The following PCGF6 variants were observed in gnomAD, a reference collection of about 807,000 sequenced individuals.
The protein encoded by PCGF6 is polycomb group RING finger protein 6.
PCGF6 carries 24 observed loss-of-function variants against 45.5 expected under a neutral mutation model. The observed-to-expected ratio is 0.53, with a 90% CI of 0.38 to 0.74. The LOEUF (loss-of-function observed/expected upper bound fraction) is 0.74. PCGF6 is among the 30% of genes least tolerant of loss of function. The pLI is 0.00. For missense variants in PCGF6, 356 were observed against 443.2 expected (o/e 0.80, Z 1.77); for synonymous variants, 152 against 162.1 (o/e 0.94, Z 0.47).
rs1257482039 is a variant in PCGF6 at position 103,339,808 on chromosome 10, AAAACACACACACACAC to A, written c.782+5200_782+5215del. Among the ~76,000 whole-genome samples the A allele has an allele frequency of 3.4e-3, 264 of 78,024 alleles. 9 individuals carry two copies. The highest frequency in any genetic ancestry group is 8.9e-3 in the South Asian group (16 of 1,802). The allele number at this position is 78,024 out of a possible 152,430, so 51.2% of individuals were successfully genotyped here. A position where few individuals can be genotyped will look rare whatever the true frequency, so the allele number is the denominator to read the frequency against. On this transcript the variant is annotated intron_variant, in intron 6 of 9. Coordinates refer to ENST00000369847, the MANE Select transcript of PCGF6 (RefSeq NM_001011663.2). ...GCGAAATTCTGTCTGTCTCAAAAAA[AAAACACACACACACAC>A]ACACACACACACACACACACACACA...
Position 103,351,121 on chromosome 10 carries a change from C to G in PCGF6, c.-55G>C, listed in dbSNP as rs1018823525. On this transcript the variant is annotated 5_prime_UTR_variant, in exon 1 of 10. Transcript: ENST00000369847. ...CGGCGGGAGAGCGCGGGAGTTCGGC[C>G]GGCCTCGGACGCCACCACTGCGCAG... is the stretch of plus-strand genomic sequence containing the variant. 3.0e-6 allele frequency: 4 copies of G among 1,329,968 alleles called. No individual in the cohort carries two copies. The highest frequency in any genetic ancestry group is 3.9e-6 in the Non-Finnish European group (4 of 1,038,714). The allele number at this position is 1,329,968 out of a possible 1,614,324, so 82.4% of individuals were successfully genotyped here.
chr10:103,335,440 C>A (rs893366700), intron 6 of PCGF6, among the ~76,000 whole-genome samples: 2 of 151,692 alleles, frequency 1.3e-5, no homozygotes, highest in African/African-American at 4.8e-5. Context: ...CGGCTCACTG[C>A]AACCTCTGCC....
intron 7 of PCGF6, among the ~76,000 whole-genome samples, chr10:103,330,555 C>T (rs112756264): frequency 1.3e-5 from 2 of 152,074 alleles, no homozygotes; most frequent in African/African-American, 2.4e-5. Context: ...TAAAAGTGTA[C>T]GATTAAATGG....
At chr10:103,326,357 C>G (rs1317827341) in intron 8 of PCGF6, among the ~76,000 whole-genome samples, 177 bp downstream of exon 8, 1 of 149,342 alleles carries the variant, frequency 6.7e-6, no homozygotes, top group Non-Finnish European at 1.5e-5. Context: ...CCACTGCACT[C>G]CAGCCTGGGC....
intron 8 of PCGF6, among the ~76,000 whole-genome samples, chr10:103,323,358 G>A (rs1442300751): frequency 6.6e-6 from 1 of 150,390 alleles, no homozygotes; most frequent in Non-Finnish European, 1.5e-5. Flanking sequence ...GTGCAGTGGC[G>A]CCATCTCGGC....
Position 103,351,034 on chromosome 10 carries a change from G to A in PCGF6, c.33C>T (p.Ser11=). The A allele has an allele frequency of 1.4e-6, 2 of 1,395,118 alleles. No homozygotes were observed. The highest frequency in any genetic ancestry group is 9.3e-7 in the Non-Finnish European group (1 of 1,074,534). 86.4% of individuals were successfully genotyped at this position (1,395,118 alleles called of 1,614,324 possible). The change falls in exon 1 of 10, where the codon AGC becomes AGT. Residue 11 remains serine (S), a synonymous_variant. Coordinates refer to ENST00000369847, the MANE Select transcript of PCGF6 (RefSeq NM_001011663.2). ...CTCCCTCGGTTTTGGCAGCGCCTAC[G>A]CTGCCCGCCGTCACCACCGCGACCC... MEGVAVVTAG[S]VGAAKTEGAA...
At chr10:103,305,634 G>A (rs920751672) in intron 9 of PCGF6, among the ~76,000 whole-genome samples, 16 of 152,040 alleles carry the variant, frequency 1.1e-4, no homozygotes, top group Non-Finnish European at 2.1e-4. Context: ...CTACTACAAC[G>A]CATCGCAGAT....
intron 9 of PCGF6, 87 bp downstream of exon 9, chr10:103,314,099 G>T: frequency 1.5e-6 from 1 of 655,476 alleles, no homozygotes; most frequent in Non-Finnish European, 2.5e-6. Flanking sequence ...TAAGAGTATT[G>T]TAGAATATTT....
At chr10:103,346,337 C>T (rs927189621) in intron 5 of PCGF6, among the ~76,000 whole-genome samples, 4 of 150,340 alleles carry the variant, frequency 2.7e-5, no homozygotes, top group Non-Finnish European at 5.9e-5. Context: ...ATTAAAAATA[C>T]AAAATTGGCC....
chr10:103,346,520 AG>A (rs1227747991), intron 5 of PCGF6, among the ~76,000 whole-genome samples: 2 of 151,990 alleles, frequency 1.3e-5, no homozygotes, highest in African/African-American at 4.8e-5. Flanking sequence ...GCTACTCAGG[AG>A]GCTGAGGCAG....
At chr10:103,325,324 G>A (rs1014546954) in intron 8 of PCGF6, among the ~76,000 whole-genome samples, 1 of 152,050 alleles carries the variant, frequency 6.6e-6, no homozygotes. Context: ...CGCAATCTTG[G>A]CTCACTGTAA....
In PCGF6 at chr10:103,350,821, C is replaced by A. The variant is rs922824435; in HGVS notation, c.246G>T (p.Glu82Asp). 35 of 1,548,206 alleles carry A rather than the reference C, an allele frequency of 2.3e-5. No individual in the cohort carries two copies. Among genetic ancestry groups the A allele is most frequent in the Non-Finnish European group, 3.0e-5 (34 of 1,146,242 alleles). The stretch of plus-strand genomic sequence containing the variant: ...CCAGCTCCTCTTCTTCTTCCAACTC[C>A]TCGTCCTCGTCCTCGAAGCGGCCTC... ...RFRGRFEDED[E>D]ELEEEEELEE... The change falls in exon 1 of 10, where the codon GAG becomes GAT. Residue 82 changes from glutamate to aspartate, a missense_variant. By Grantham distance (45) the Glu-to-Asp change is conservative. This residue lies in a region of PCGF6 where 307 missense variants were observed against 350.1 expected (regional missense o/e 0.88). Transcript: ENST00000369847.
Position 103,350,968 on chromosome 10 carries a change from G to T in PCGF6, c.99C>A (p.Ala33=). The T allele has an allele frequency of 7.0e-7, 1 of 1,437,598 alleles. No individual in the cohort carries two copies. The allele number at this position is 1,437,598 out of a possible 1,614,324, so 89.1% of individuals were successfully genotyped here. A position where few individuals can be genotyped will look rare whatever the true frequency, so the allele number is the denominator to read the frequency against. Residue 33 remains alanine (A), a synonymous_variant, in exon 1 of 10, where the codon GCC becomes GCA. Transcript: ENST00000369847. ...LPPPPPVSPP[A]LTPAPAAGEE... ...CACCCGCTGCGGGTGCAGGGGTGAG[G>T]GCGGGCGGGGAGACAGGAGGCGGAG...
intron 9 of PCGF6, among the ~76,000 whole-genome samples, chr10:103,304,656 C>CG (rs2093131538): frequency 7.3e-6 from 1 of 137,366 alleles, no homozygotes; most frequent in Admixed American, 7.4e-5. Context: ...CCCAGCCCCA[C>CG]TTTTTTTTTT....
At chr10:103,339,176 A>G (rs2093269300) in intron 6 of PCGF6, among the ~76,000 whole-genome samples, 1 of 152,090 alleles carries the variant, frequency 6.6e-6, no homozygotes, top group South Asian at 2.1e-4. Context: ...TCATTTTGGG[A>G]GGCCAAGGCG....
intron 8 of PCGF6, among the ~76,000 whole-genome samples, chr10:103,324,049 C>G (rs1034135159): frequency 6.6e-6 from 1 of 151,126 alleles, no homozygotes; most frequent in South Asian, 2.1e-4. Context: ...ATGCAATTCT[C>G]CAGCCTCAGC....
At chr10:103,326,221 T>C (rs2093217729) in intron 8 of PCGF6, among the ~76,000 whole-genome samples, 1 of 151,114 alleles carries the variant, frequency 6.6e-6, no homozygotes, top group South Asian at 2.1e-4. Flanking sequence ...CCTTCTCTAC[T>C]AAAAATACAA....
chr10:103,339,813 ACACACACACACACACACACAC>A (rs2093273157), intron 6 of PCGF6, among the ~76,000 whole-genome samples: 2 of 16,946 alleles, frequency 1.2e-4, no homozygotes, highest in Admixed American at 6.9e-4. Flanking sequence ...AAAAAAAAAC[ACACACACACACACACACACAC>A]ACACACACAC....
At chr10:103,316,011 TATAGAGAGAGAGAG>T (rs1484399637) in intron 8 of PCGF6, among the ~76,000 whole-genome samples, 51 of 129,818 alleles carry the variant, frequency 3.9e-4, no homozygotes, top group Admixed American at 2.2e-3. Flanking sequence ...TATATATATA[TATAGAGAGAGAGAG>T]AGAGAGAGAG....
Sources: allele counts gnomAD v4.1 joint callset (sites outside exome capture counted in the v4.1 genomes callset), GRCh38; gene constraint gnomAD v4.1.1; regional missense constraint gnomAD v4.1.1; transcripts MANE v1.5; gene names NCBI Gene and HGNC (gene_info 2026-07-23, HGNC 2026-07-21).